Variants in MDGA2 observed in about 807,000 individuals in gnomAD.
MDGA2 encodes MAM domain-containing glycosylphosphatidylinositol anchor protein 2.
A neutral mutation model predicts 117.8 loss-of-function variants in MDGA2; 40 were observed. That is an observed-to-expected ratio of 0.34 (90% CI 0.26 to 0.44). MDGA2 has a LOEUF of 0.44. MDGA2 is among the 20% of genes least tolerant of loss of function. MDGA2 has a pLI of 1.00. For missense variants in MDGA2, 1,123 were observed against 1,250.6 expected (o/e 0.90, Z 1.54); for synonymous variants, 452 against 439.0 (o/e 1.03, Z -0.37).
At chr14:47,571,966 A>G (rs770399996) in intron 1 of MDGA2, among the ~76,000 whole-genome samples, 9 of 152,216 alleles carry the variant, frequency 5.9e-5, no homozygotes, top group Non-Finnish European at 1.2e-4. Context: ...TTATGCACAC[A>G]CATACATACT....
chr14:46,928,778 C>G (rs1328520307), intron 9 of MDGA2, among the ~76,000 whole-genome samples: 1 of 152,076 alleles, frequency 6.6e-6, no homozygotes, highest in African/African-American at 2.4e-5. Context: ...ACTCTTTGTT[C>G]TATGATAATT....
chr14:47,273,666 T>C (rs56097303), intron 2 of MDGA2, among the ~76,000 whole-genome samples: 42,204 of 152,008 alleles, frequency 0.28, 6,656 homozygotes, highest in Admixed American at 0.46. Context: ...TTAAAATTTA[T>C]ATTTATTTTC....
intron 1 of MDGA2, among the ~76,000 whole-genome samples, chr14:47,611,933 A>G (rs564873911): frequency 1.3e-5 from 2 of 152,300 alleles, no homozygotes; most frequent in Admixed American, 1.3e-4. Flanking sequence ...CTTGCTCAGT[A>G]AACAGAGAAA....
At chr14:47,295,969 GATAGATAGATA>G (rs1889057863) in intron 2 of MDGA2, among the ~76,000 whole-genome samples, 8 of 151,464 alleles carry the variant, frequency 5.3e-5, no homozygotes, top group Non-Finnish European at 7.4e-5. Flanking sequence ...TAGATAGATA[GATAGATAGATA>G]TAGTAAAGCT....
rs1341437479 is a variant in MDGA2, at chr14:47,562,561, A to G, written c.280+111956T>C. ...CATCACAGCCTCTGAGGATTTTTGT[A>G]TTTCTGGGGGATTGGTGGTAATGTC... On this transcript the variant is annotated intron_variant, in intron 1 of 16. Transcript: ENST00000399232. 2.0e-5 allele frequency among the ~76,000 whole-genome samples: 3 copies of G among 152,088 alleles called. No individual in the cohort carries two copies. In the East Asian group the frequency reaches 5.8e-4, roughly 29 times the overall value.
At chr14:47,051,117 T>C (rs557281762) in intron 7 of MDGA2, among the ~76,000 whole-genome samples, 2 of 152,050 alleles carry the variant, frequency 1.3e-5, no homozygotes, top group South Asian at 4.1e-4. Context: ...TCTAAGATTT[T>C]AAGGCATGCT....
chr14:47,167,466 T>C (rs569211351), intron 3 of MDGA2, among the ~76,000 whole-genome samples: 93 of 152,056 alleles, frequency 6.1e-4, no homozygotes, highest in African/African-American at 2.1e-3. Flanking sequence ...ACTGAGTGCA[T>C]AGGGAGAAAG....
At chr14:47,471,618 C>T (rs1347017028) in intron 1 of MDGA2, among the ~76,000 whole-genome samples, 2 of 151,834 alleles carry the variant, frequency 1.3e-5, no homozygotes, top group Non-Finnish European at 2.9e-5. Context: ...TTACTCAATT[C>T]AAATAAAATA....
chr14:46,899,263 T>C (rs1217780042), intron 10 of MDGA2, among the ~76,000 whole-genome samples: 2 of 152,002 alleles, frequency 1.3e-5, no homozygotes, highest in African/African-American at 2.4e-5. Context: ...TCCCCACCCT[T>C]TTTTTCCCAA....
intron 1 of MDGA2, among the ~76,000 whole-genome samples, chr14:47,600,850 T>C (rs1003011390): frequency 2.0e-5 from 3 of 152,128 alleles, no homozygotes; most frequent in Non-Finnish European, 2.9e-5. Flanking sequence ...AAAAAAGTAA[T>C]GTTAGCCAGT....
chr14:47,020,926 G>C (rs1001947405), intron 8 of MDGA2, among the ~76,000 whole-genome samples: 3 of 151,304 alleles, frequency 2.0e-5, no homozygotes, highest in Non-Finnish European at 2.9e-5. Flanking sequence ...GACAATAAAA[G>C]AAAAAGAAAA....
At chr14:46,966,935 A>T (rs1886054871) in intron 8 of MDGA2, among the ~76,000 whole-genome samples, 1 of 152,176 alleles carries the variant, frequency 6.6e-6, no homozygotes, top group South Asian at 2.1e-4. Flanking sequence ...ATGAGAGAGT[A>T]AGTAGTTCAT....
At chr14:46,858,903 T>G (rs978019966) in intron 14 of MDGA2, among the ~76,000 whole-genome samples, 4 of 152,192 alleles carry the variant, frequency 2.6e-5, no homozygotes, top group African/African-American at 9.6e-5. Flanking sequence ...ATAGAGACTC[T>G]TCAGCTGTAA....
chr14:47,379,089 A>G (rs1479111673), intron 1 of MDGA2, among the ~76,000 whole-genome samples: 2 of 152,242 alleles, frequency 1.3e-5, no homozygotes, highest in Non-Finnish European at 1.5e-5. Flanking sequence ...AGAATTTTCA[A>G]CCTAGAATTT....
At chr14:47,655,528 CAT>C (rs1337595233) in intron 1 of MDGA2, among the ~76,000 whole-genome samples, 1 of 152,080 alleles carries the variant, frequency 6.6e-6, no homozygotes, top group African/African-American at 2.4e-5. Flanking sequence ...CTGGGTAAGA[CAT>C]GTGCTCAGAG....
intron 3 of MDGA2, among the ~76,000 whole-genome samples, chr14:47,151,361 G>A (rs927890654): frequency 2.0e-5 from 3 of 152,296 alleles, no homozygotes; most frequent in African/African-American, 7.2e-5. Context: ...TAGAAGGGCT[G>A]ACTGGAGAGC....
chr14:47,170,577 T>C (rs1277842034), intron 3 of MDGA2, among the ~76,000 whole-genome samples: 1 of 152,196 alleles, frequency 6.6e-6, no homozygotes, highest in Non-Finnish European at 1.5e-5. Flanking sequence ...CTCAAAGCTC[T>C]TTCTGCAAGA....
At chr14:46,845,266 C>T (rs976207941) in intron 16 of MDGA2, among the ~76,000 whole-genome samples, 1 of 152,208 alleles carries the variant, frequency 6.6e-6, no homozygotes, top group Non-Finnish European at 1.5e-5. Context: ...TCTGCTTCCC[C>T]TTCACCTTCC....
chr14:46,918,313 T>C (rs903788819), intron 10 of MDGA2, among the ~76,000 whole-genome samples: 2 of 152,168 alleles, frequency 1.3e-5, no homozygotes, highest in Non-Finnish European at 2.9e-5. Context: ...TTAAACAATG[T>C]AGTAAGGAGT....
Sources: gnomAD v4.1 joint callset for allele counts (sites outside exome capture counted in the v4.1 genomes callset) on GRCh38, gnomAD v4.1.1 for gene constraint, MANE v1.5 for transcripts, NCBI Gene and HGNC (gene_info 2026-07-23, HGNC 2026-07-21) for gene names.